Variants in SOX5 observed in about 807,000 individuals in gnomAD.
The protein encoded by SOX5 is transcription factor SOX-5.
SOX5 carries 9 observed loss-of-function variants against 92.0 expected under a neutral mutation model. The ratio of observed to expected loss-of-function variants is 0.10; its 90% CI spans 0.06 to 0.17. The LOEUF is 0.17. Among genes scored for constraint, SOX5 ranks in the 10% least tolerant of loss-of-function variants. The pLI is 1.00. For synonymous variants in SOX5, 344 were observed against 336.3 expected, an observed-to-expected ratio of 1.02 and a Z score of -0.25; for missense variants, 642 against 944.5, an observed-to-expected ratio of 0.68 and a Z score of 4.20.
chr12:24,213,571 GA>G (rs1340674961), intron 3 of SOX5, among the ~76,000 whole-genome samples: 1 of 147,978 alleles, frequency 6.8e-6, no homozygotes, highest in Non-Finnish European at 1.5e-5. Flanking sequence ...CAAAATGTTG[GA>G]AAAAATATTA....
In SOX5 at chr12:24,266,213, G is replaced by C. The variant is rs548399933; in HGVS notation, c.-77+11003C>G. Among the ~76,000 whole-genome samples, 181 of 152,112 alleles carry C rather than the reference G, an allele frequency of 1.2e-3. 2 individuals carry two copies. Among genetic ancestry groups the C allele is most frequent in the Admixed American group, 3.9e-3 (59 of 15,260 alleles). ...ACTAAAGGCTAAGCCACTGTGCCTG[G>C]CCCAGGGCCCATTTTTAATAAACAG... On this transcript the variant is annotated intron_variant, in intron 3 of 4. Transcript: ENST00000446891.
chr12:24,494,329 A>G (rs1947395929), intron 1 of SOX5, among the ~76,000 whole-genome samples: 1 of 152,268 alleles, frequency 6.6e-6, no homozygotes. Context: ...ATCAGTTGCC[A>G]GGGCAAGAAA....
chr12:24,223,245 T>C (rs1260302977), intron 3 of SOX5: 2 of 152,206 alleles, frequency 1.3e-5, no homozygotes, highest in African/African-American at 4.8e-5. Context: ...TTTCCAGCAT[T>C]CTATCTGCAC....
intron 1 of SOX5, among the ~76,000 whole-genome samples, chr12:23,943,826 T>A (rs1944092094): frequency 6.6e-6 from 1 of 152,144 alleles, no homozygotes; most frequent in Non-Finnish European, 1.5e-5. Flanking sequence ...TGTCATGTTT[T>A]ATGGGCAAAA....
chr12:24,333,503 A>G (rs1951559861), intron 2 of SOX5, among the ~76,000 whole-genome samples: 1 of 152,184 alleles, frequency 6.6e-6, no homozygotes, highest in South Asian at 2.1e-4. Flanking sequence ...ACTAGTGTAT[A>G]TATTATTTTT....
At chr12:24,426,399 T>C (rs1418561340) in intron 1 of SOX5, among the ~76,000 whole-genome samples, 1 of 152,180 alleles carries the variant, frequency 6.6e-6, no homozygotes, top group Admixed American at 6.5e-5. Flanking sequence ...ACATGGCACA[T>C]GTATGTATAC....
chr12:24,106,299 G>C (rs1659580618), intron 4 of SOX5, among the ~76,000 whole-genome samples: 1 of 151,570 alleles, frequency 6.6e-6, no homozygotes, highest in Non-Finnish European at 1.5e-5. Context: ...TTACAAACAA[G>C]AAGAATCTTC....
chr12:24,282,704 G>A (rs1007545086), intron 2 of SOX5, among the ~76,000 whole-genome samples: 2 of 152,024 alleles, frequency 1.3e-5, no homozygotes, highest in Non-Finnish European at 2.9e-5. Context: ...CAAAACCCTC[G>A]AAGGATGGTA....
chr12:24,142,574 T>C (rs916390135), intron 4 of SOX5, among the ~76,000 whole-genome samples: 3 of 152,028 alleles, frequency 2.0e-5, no homozygotes, highest in African/African-American at 7.3e-5. Context: ...TAACAGGGAC[T>C]GGATTTACTG....
intron 3 of SOX5, among the ~76,000 whole-genome samples, chr12:23,805,571 A>T (rs2095755161): frequency 6.6e-6 from 1 of 152,186 alleles, no homozygotes; most frequent in South Asian, 2.1e-4. Context: ...TAAAAGAAAA[A>T]AAGAAAATGG....
intron 4 of SOX5, among the ~76,000 whole-genome samples, chr12:24,070,709 G>A (rs904972608): frequency 1.3e-5 from 2 of 152,048 alleles, no homozygotes; most frequent in Non-Finnish European, 2.9e-5. Flanking sequence ...TTAGGGAAGA[G>A]AACAAACATT....
At chr12:24,371,844 C>G (rs536414743) in intron 1 of SOX5, among the ~76,000 whole-genome samples, 3 of 152,168 alleles carry the variant, frequency 2.0e-5, no homozygotes, top group African/African-American at 7.2e-5. Context: ...GAAAATTAGT[C>G]AGGCATGGTG....
At chr12:23,937,368 T>C (rs1198516580) in intron 1 of SOX5, among the ~76,000 whole-genome samples, 1 of 150,924 alleles carries the variant, frequency 6.6e-6, no homozygotes, top group Non-Finnish European at 1.5e-5. Flanking sequence ...GTAAATGAAA[T>C]GGGTCAAACA....
intron 6 of SOX5, among the ~76,000 whole-genome samples, chr12:23,685,836 A>C (rs1051670823): frequency 6.6e-6 from 1 of 152,184 alleles, no homozygotes; most frequent in African/African-American, 2.4e-5. Flanking sequence ...ATTATTCAAT[A>C]CCAACATCTG....
At chr12:23,767,947 T>C (rs1482973714) in intron 3 of SOX5, among the ~76,000 whole-genome samples, 1 of 152,116 alleles carries the variant, frequency 6.6e-6, no homozygotes, top group Non-Finnish European at 1.5e-5. Context: ...TACATATAAT[T>C]TGAACTCAAC....
chr12:24,225,202 C>A (rs1349262723), intron 3 of SOX5, among the ~76,000 whole-genome samples: 1 of 152,110 alleles, frequency 6.6e-6, no homozygotes, highest in Non-Finnish European at 1.5e-5. Flanking sequence ...AATGTCAGGA[C>A]CAAAATTTGA....
intron 2 of SOX5, among the ~76,000 whole-genome samples, chr12:23,883,123 G>A (rs2097017587): frequency 1.3e-5 from 2 of 151,896 alleles, no homozygotes; most frequent in Admixed American, 1.3e-4. Context: ...GGAGCTTGCG[G>A]TGAGCTGAGA....
intron 4 of SOX5, among the ~76,000 whole-genome samples, chr12:24,185,760 C>A (rs996456499): frequency 6.6e-6 from 1 of 152,112 alleles, no homozygotes; most frequent in Admixed American, 6.6e-5. Context: ...TGAAACAGTG[C>A]CTCATACATA....
chr12:24,219,919 C>T (rs1323545448), intron 3 of SOX5, among the ~76,000 whole-genome samples: 1 of 152,074 alleles, frequency 6.6e-6, no homozygotes, highest in Non-Finnish European at 1.5e-5. Context: ...CAGATGTAAG[C>T]TTGAGTTCAG....
Sources: gnomAD v4.1 joint callset for allele counts (sites outside exome capture counted in the v4.1 genomes callset) on GRCh38, gnomAD v4.1.1 for gene constraint, MANE v1.5 for transcripts, NCBI Gene and HGNC (gene_info 2026-07-23, HGNC 2026-07-21) for gene names.